The following EIF4G3 variants were observed in gnomAD, a reference collection of about 807,000 sequenced individuals.
The protein encoded by EIF4G3 is eukaryotic translation initiation factor 4 gamma 3.
EIF4G3 carries 34 observed loss-of-function variants against 186.4 expected under a neutral mutation model. That is an observed-to-expected ratio of 0.18 (90% CI 0.14 to 0.24). The LOEUF (loss-of-function observed/expected upper bound fraction) is 0.24, where lower values mean the gene tolerates loss of function less well. Among genes scored for constraint, EIF4G3 ranks in the 10% least tolerant of loss-of-function variants. The pLI is 1.00. For missense variants in EIF4G3, 1,536 were observed against 1,948.5 expected, an observed-to-expected ratio of 0.79 and a Z score of 3.99; for synonymous variants, 673 against 679.5, an observed-to-expected ratio of 0.99 and a Z score of 0.15.
At chr1:20,965,043 G>C (rs773194285) in intron 12 of EIF4G3, among the ~76,000 whole-genome samples, 2 of 152,118 alleles carry the variant, frequency 1.3e-5, no homozygotes, top group Non-Finnish European at 2.9e-5. Context: ...CTGGGATTAG[G>C]AAGTAGTAAA....
intron 21 of EIF4G3, 24 bp from the exon 22 acceptor site, chr1:20,864,736 G>T: frequency 6.4e-7 from 1 of 1,571,358 alleles, no homozygotes; most frequent in South Asian, 1.1e-5. Context: ...AGGAATAATA[G>T]CATCTTGATG....
At chr1:20,901,541 A>T (rs148534416) in intron 15 of EIF4G3, among the ~76,000 whole-genome samples, 1 of 152,158 alleles carries the variant, frequency 6.6e-6, no homozygotes, top group African/African-American at 2.4e-5. Flanking sequence ...CTGTACCTAC[A>T]ATCAACAACA....
chr1:21,005,695 A>AGAAAGAAC (rs2084868974), intron 4 of EIF4G3, among the ~76,000 whole-genome samples: 1 of 152,200 alleles, frequency 6.6e-6, no homozygotes, highest in South Asian at 2.1e-4. Context: ...TCTTTTGTTC[A>AGAAAGAAC]GAAAGAACAC....
intron 12 of EIF4G3, among the ~76,000 whole-genome samples, chr1:20,959,260 CAAAGCATATA>C (rs2096514422): frequency 6.6e-6 from 1 of 151,996 alleles, no homozygotes; most frequent in African/African-American, 2.4e-5. Context: ...TGATCTTCAA[CAAAGCATATA>C]AAAACATAAA....
chr1:20,930,683 GCCAC>G (rs1218817999), intron 14 of EIF4G3, among the ~76,000 whole-genome samples: 3 of 152,136 alleles, frequency 2.0e-5, no homozygotes, highest in Non-Finnish European at 4.4e-5. Flanking sequence ...ATAGGCACAT[GCCAC>G]CATGCCTAGC....
chr1:21,148,040 C>T (rs1264459798), intron 2 of EIF4G3, among the ~76,000 whole-genome samples: 2 of 152,128 alleles, frequency 1.3e-5, no homozygotes, highest in African/African-American at 2.4e-5. Flanking sequence ...TATTGAAAAG[C>T]ATTATGCACA....
intron 4 of EIF4G3, among the ~76,000 whole-genome samples, chr1:21,028,935 G>T (rs1354434946): frequency 6.6e-6 from 1 of 152,152 alleles, no homozygotes; most frequent in Admixed American, 6.5e-5. Context: ...GCCCAAGCGG[G>T]AGTTCATGAT....
chr1:20,867,507 C>G (rs543850569), intron 20 of EIF4G3, among the ~76,000 whole-genome samples: 1 of 152,226 alleles, frequency 6.6e-6, no homozygotes, highest in Admixed American at 6.5e-5. Flanking sequence ...CCCCAAACCT[C>G]TATTTCAAAA....
chr1:21,118,537 AAC>A (rs2096868501), intron 2 of EIF4G3, among the ~76,000 whole-genome samples: 1 of 152,158 alleles, frequency 6.6e-6, no homozygotes, highest in Non-Finnish European at 1.5e-5. Flanking sequence ...CTGTAAACCC[AAC>A]ACTTTGGGAG....
In EIF4G3 at chr1:21,156,015, T is replaced by TA. The variant is rs1273490251; in HGVS notation, c.-272+20159dup. Among the ~76,000 whole-genome samples the TA allele has an allele frequency of 4.6e-5, 7 of 151,682 alleles. No homozygotes were observed. In the East Asian group the frequency reaches 1.4e-3, roughly 29 times the overall value. On this transcript the variant is annotated intron_variant, in intron 2 of 36. Coordinates refer to ENST00000602326, the MANE Select transcript of EIF4G3 (RefSeq NM_001391906.1). ...GGTGGCACATGCCTATAGTCCCAGC[T>TA]ACTCGGGAGGCTGAGATGGGAGAAT...
intron 2 of EIF4G3, among the ~76,000 whole-genome samples, chr1:21,097,735 T>C (rs1490990750): frequency 6.6e-6 from 1 of 152,186 alleles, no homozygotes; most frequent in African/African-American, 2.4e-5. Flanking sequence ...CAACAAATGG[T>C]GCTGAAACAA....
intron 4 of EIF4G3, among the ~76,000 whole-genome samples, chr1:21,007,515 T>TA (rs368328382): frequency 0.019 from 289 of 14,870 alleles, 24 homozygotes; most frequent in Middle Eastern, 0.25. Context: ...GGCCCCTCCT[T>TA]AAAAAAAAAA....
In EIF4G3 at chr1:20,818,310, A is replaced by G. The variant is rs142582799; in HGVS notation, c.4369-772T>C. Reference sequence around the variant, plus strand: ...GAATATAGGTGTGAGAAATGATGCTATAATTGTTTAGCACTTAGATACATA... The same window carrying G: ...GAATATAGGTGTGAGAAATGATGCTGTAATTGTTTAGCACTTAGATACATA... On this transcript the variant is annotated intron_variant, in intron 33 of 36. Transcript: ENST00000602326. Among the ~76,000 whole-genome samples, 120 of 152,258 alleles carry G rather than the reference A, an allele frequency of 7.9e-4. 1 individual carries two copies. The East Asian group carries it at 0.019, about 25-fold the overall frequency.
At chr1:21,031,081 G>A (rs2092695942) in intron 4 of EIF4G3, among the ~76,000 whole-genome samples, 1 of 152,034 alleles carries the variant, frequency 6.6e-6, no homozygotes, top group African/African-American at 2.4e-5. Flanking sequence ...AGCTATTTGG[G>A]TGGCTGAGGC....
At chr1:21,021,910 A>C (rs1186493384) in intron 4 of EIF4G3, among the ~76,000 whole-genome samples, 1 of 152,212 alleles carries the variant, frequency 6.6e-6, no homozygotes, top group Non-Finnish European at 1.5e-5. Flanking sequence ...CTTCAGTACA[A>C]GATGAATAAA....
intron 14 of EIF4G3, among the ~76,000 whole-genome samples, chr1:20,917,672 T>G (rs1558229333): frequency 3.9e-5 from 6 of 152,172 alleles, no homozygotes; most frequent in Admixed American, 3.9e-4. Context: ...AGAAAAATTT[T>G]GGGTGATAAA....
rs2096131650 is a variant in EIF4G3, at chr1:20,949,951, TTAA to T, written c.823+49_823+51del. On this transcript the variant is annotated intron_variant, in intron 13 of 36. Coordinates refer to ENST00000602326, the MANE Select transcript of EIF4G3 (RefSeq NM_001391906.1). ...CTCTTGAATGCTGACGGCAATGTAATTAATAAAAAAGAGACTAAAGATAAGAGG... is the reference window on the plus strand; with the variant it reads ...CTCTTGAATGCTGACGGCAATGTAATTAAAAAAGAGACTAAAGATAAGAGG... 3 of 1,440,808 alleles carry T rather than the reference TTAA, an allele frequency of 2.1e-6. No individual in the cohort carries two copies. The Admixed American group carries it at 5.2e-5, about 25-fold the overall frequency. 89.3% of individuals were successfully genotyped at this position (1,440,808 alleles called of 1,614,324 possible). A position where few individuals can be genotyped will look rare whatever the true frequency, so the allele number is the denominator to read the frequency against.
At position 20,829,391 on chromosome 1, in the gene EIF4G3, T is replaced by C. The variant is rs538134235; in HGVS notation, c.4062-119A>G. 48 of 1,145,902 alleles carry C rather than the reference T, an allele frequency of 4.2e-5. 1 individual carries two copies. The South Asian group carries it at 6.7e-4, about 16-fold the overall frequency. 71.0% of individuals were successfully genotyped at this position (1,145,902 alleles called of 1,614,324 possible). A position where few individuals can be genotyped will look rare whatever the true frequency, so the allele number is the denominator to read the frequency against. The stretch of plus-strand genomic sequence containing the variant: ...TAATCACCTGCTATGTTAGGTACAG[T>C]CTAGCCACAAAGTGACTGGTAAATA... On this transcript the variant is annotated intron_variant, in intron 30 of 36. Transcript: ENST00000602326.
At chr1:20,844,453 G>A (rs939319935) in intron 29 of EIF4G3, among the ~76,000 whole-genome samples, 13 of 151,666 alleles carry the variant, frequency 8.6e-5, no homozygotes, top group African/African-American at 2.9e-4. Flanking sequence ...GTCTTCCTTT[G>A]AGTACTGTCT....
Sources: allele counts gnomAD v4.1 joint callset (sites outside exome capture counted in the v4.1 genomes callset), GRCh38; gene constraint gnomAD v4.1.1; transcripts MANE v1.5; gene names NCBI Gene and HGNC (gene_info 2026-07-23, HGNC 2026-07-21).